KIF4A: variants seen among roughly 807,000 people sequenced by gnomAD.
The protein encoded by KIF4A is kinesin family member 4A.
Under a neutral mutation model 105.9 loss-of-function variants are expected in KIF4A, and 7 were observed. The observed-to-expected ratio is 0.07, with a 90% CI of 0.04 to 0.12. The LOEUF is 0.12. Ranked by LOEUF, KIF4A falls within the 10% of genes least tolerant of loss-of-function variation. The pLI is 1.00. For missense variants in KIF4A, 558 were observed against 929.2 expected, an observed-to-expected ratio of 0.60 and a Z score of 5.19; for synonymous variants, 281 against 331.3, an observed-to-expected ratio of 0.85 and a Z score of 1.65.
At chrX:70,292,795 A>G (rs1158534760) in intron 3 of KIF4A, among the ~76,000 whole-genome samples, 1 of 112,045 alleles carries the variant, frequency 8.9e-6, no homozygotes, top group Non-Finnish European at 1.9e-5. Flanking sequence ...TAGTAAGAGC[A>G]CCACAGTTCT....
intron 10 of KIF4A, among the ~76,000 whole-genome samples, chrX:70,333,973 A>G (rs978417488): frequency 9.0e-6 from 1 of 111,439 alleles, no homozygotes; most frequent in African/African-American, 3.3e-5. Flanking sequence ...AGATTCATGG[A>G]TATTTATTTT....
chrX:70,380,876 C>T (rs187358496), intron 18 of KIF4A, among the ~76,000 whole-genome samples: 4 of 112,414 alleles, frequency 3.6e-5, no homozygotes, highest in Admixed American at 1.9e-4. Context: ...TGATCTGGCA[C>T]AGTGGCTCAA....
chrX:70,370,050 CAG>C (rs2086123960), intron 15 of KIF4A, among the ~76,000 whole-genome samples: 1 of 111,193 alleles, frequency 9.0e-6, no homozygotes, highest in East Asian at 2.8e-4. Flanking sequence ...ATATGATGTA[CAG>C]TCACATGATA....
At chrX:70,330,030 TA>T in intron 8 of KIF4A, 126 bp from the exon 9 acceptor site, 1 of 499,035 alleles carries the variant, frequency 2.0e-6, no homozygotes, top group Non-Finnish European at 3.3e-6. Flanking sequence ...TATTTCAATA[TA>T]AAAAACACTA....
intron 15 of KIF4A, among the ~76,000 whole-genome samples, chrX:70,362,778 C>T (rs377647276): frequency 4.5e-5 from 5 of 111,466 alleles, no homozygotes; most frequent in African/African-American, 1.6e-4. Context: ...GTTATCTGCC[C>T]GCCTCGGCCT....
chrX:70,349,962 C>T (rs796276984), intron 13 of KIF4A, among the ~76,000 whole-genome samples: 1 of 26,575 alleles, frequency 3.8e-5, no homozygotes, highest in Non-Finnish European at 7.0e-5. Context: ...CCTCAGTTCC[C>T]AGACGGGGCG....
chrX:70,404,621 G>A, intron 24 of KIF4A, 94 bp from the exon 25 acceptor site: 2 of 520,306 alleles, frequency 3.8e-6, no homozygotes, highest in Non-Finnish European at 6.6e-6. Context: ...AATCACAAGA[G>A]AGCAGTCACC....
chrX:70,371,675 C>T (rs1430258903), intron 15 of KIF4A, among the ~76,000 whole-genome samples: 4 of 107,469 alleles, frequency 3.7e-5, no homozygotes, highest in African/African-American at 1.0e-4. Flanking sequence ...ACCTCCCTCC[C>T]GGACGGGACG....
At chrX:70,394,848 C>T (rs73214995) in intron 20 of KIF4A, among the ~76,000 whole-genome samples, 8,944 of 111,789 alleles carry the variant, frequency 0.08, 275 homozygotes, top group Middle Eastern at 0.11. Flanking sequence ...GAATTCTACT[C>T]CATCTGATTC....
At chrX:70,369,414 T>A (rs991114710) in intron 15 of KIF4A, among the ~76,000 whole-genome samples, 3 of 112,462 alleles carry the variant, frequency 2.7e-5, no homozygotes, top group Non-Finnish European at 5.6e-5. Flanking sequence ...CTATTTTTCA[T>A]CTATCAGATT....
intron 20 of KIF4A, among the ~76,000 whole-genome samples, chrX:70,392,947 G>A (rs1165699576): frequency 1.0e-5 from 1 of 98,489 alleles, no homozygotes; most frequent in Admixed American, 1.1e-4. Flanking sequence ...TGCAAGCTCC[G>A]CCTCCTGGAT....
At chrX:70,369,488 A>G (rs1280022988) in intron 15 of KIF4A, among the ~76,000 whole-genome samples, 1 of 112,050 alleles carries the variant, frequency 8.9e-6, no homozygotes, top group African/African-American at 3.2e-5. Flanking sequence ...GTACTCTCAT[A>G]CATAGCTGGT....
chrX:70,297,269 C>T (rs2147658215), intron 4 of KIF4A, 81 bp downstream of exon 4: 1 of 875,657 alleles, frequency 1.1e-6, no homozygotes, highest in East Asian at 3.3e-5. Flanking sequence ...TTTTTCCTGA[C>T]ATGACTCAAA....
intron 18 of KIF4A, among the ~76,000 whole-genome samples, chrX:70,384,255 A>C (rs953173529): frequency 8.9e-6 from 1 of 112,004 alleles, no homozygotes; most frequent in African/African-American, 3.2e-5. Flanking sequence ...TTTTAATCAT[A>C]ATTAATGCAA....
chrX:70,385,565 C>T (rs2086214653), intron 18 of KIF4A, among the ~76,000 whole-genome samples: 1 of 112,083 alleles, frequency 8.9e-6, no homozygotes, highest in Admixed American at 9.5e-5. Context: ...ATCCTAGACA[C>T]CTAGCCCAGT....
intron 7 of KIF4A, among the ~76,000 whole-genome samples, chrX:70,318,403 T>C (rs187568375): frequency 8.9e-6 from 1 of 112,151 alleles, no homozygotes; most frequent in Admixed American, 9.4e-5. Context: ...CATTTGTCTG[T>C]ACCACTATTC....
intron 7 of KIF4A, among the ~76,000 whole-genome samples, chrX:70,311,371 T>G (rs2085849200): frequency 9.0e-6 from 1 of 111,249 alleles, no homozygotes; most frequent in African/African-American, 3.3e-5. Context: ...CTTCCTAAGT[T>G]GTTTTATTTT....
At chrX:70,382,646 A>T (rs958328272) in intron 18 of KIF4A, among the ~76,000 whole-genome samples, 4 of 111,347 alleles carry the variant, frequency 3.6e-5, no homozygotes, top group Non-Finnish European at 7.5e-5. Flanking sequence ...TGCATTGTAA[A>T]CAATACCATC....
chrX:70,412,157 T>C (rs1024455843), intron 28 of KIF4A, among the ~76,000 whole-genome samples: 1 of 111,937 alleles, frequency 8.9e-6, no homozygotes, highest in African/African-American at 3.2e-5. Context: ...CTGTCATGTA[T>C]GTCATGACTG....
Sources: allele counts gnomAD v4.1 joint callset (sites outside exome capture counted in the v4.1 genomes callset), GRCh38; gene constraint gnomAD v4.1.1; transcripts MANE v1.5; gene names NCBI Gene and HGNC (gene_info 2026-07-23, HGNC 2026-07-21).